IL1RAPL1: variants seen among roughly 807,000 people sequenced by gnomAD.
The protein encoded by IL1RAPL1 is interleukin 1 receptor accessory protein like 1.
IL1RAPL1 carries 3 observed loss-of-function variants against 48.4 expected under a neutral mutation model. That is an observed-to-expected ratio of 0.06 (90% CI 0.03 to 0.16). The LOEUF is 0.16. Ranked by LOEUF, IL1RAPL1 falls within the 10% of genes least tolerant of loss-of-function variation. The probability of loss-of-function intolerance (pLI) is 1.00; values close to 1 mark genes in which losing one functional copy is unlikely to be tolerated. For missense variants in IL1RAPL1, 349 were observed against 530.6 expected (o/e 0.66, Z 3.36); for synonymous variants, 185 against 187.7 (o/e 0.99, Z 0.12).
At chrX:28,690,596 T>C (rs965109710) in intron 1 of IL1RAPL1, among the ~76,000 whole-genome samples, 2 of 111,142 alleles carry the variant, frequency 1.8e-5, no homozygotes, top group East Asian at 2.8e-4. Flanking sequence ...TAGGACCGTA[T>C]ATATACATAT....
At chrX:29,093,917 G>A (rs1468322390) in intron 2 of IL1RAPL1, among the ~76,000 whole-genome samples, 2 of 111,767 alleles carry the variant, frequency 1.8e-5, no homozygotes, top group Non-Finnish European at 3.8e-5. Flanking sequence ...TAGCCCTGAG[G>A]GATCATTCCC....
chrX:29,350,258 C>T (rs1169948106), intron 3 of IL1RAPL1, among the ~76,000 whole-genome samples: 4 of 82,953 alleles, frequency 4.8e-5, no homozygotes. Flanking sequence ...ATACACCCCC[C>T]CCCCCACCTG....
rs1179672488 is a variant in IL1RAPL1 at position 29,155,916 on chromosome X, T to C, written c.83-127022T>C. On this transcript the variant is annotated intron_variant, in intron 2 of 10. Coordinates refer to ENST00000378993, the MANE Select transcript of IL1RAPL1 (RefSeq NM_014271.4). Reference sequence around the variant, plus strand: ...TCACACATAAATACTTTATAATATTTATCAATAATTAAAAATAAATTAATA... The same window carrying C: ...TCACACATAAATACTTTATAATATTCATCAATAATTAAAAATAAATTAATA... Among the ~76,000 whole-genome samples the C allele has an allele frequency of 1.3e-4, 14 of 111,195 alleles. No homozygotes were observed. The Middle Eastern group carries it at 0.028, about 226-fold the overall frequency.
intron 4 of IL1RAPL1, among the ~76,000 whole-genome samples, chrX:29,397,473 G>A (rs1206130458): frequency 8.9e-6 from 1 of 112,389 alleles, no homozygotes; most frequent in Non-Finnish European, 1.9e-5. Context: ...AACATCAAGG[G>A]AACTGTTGGA....
intron 2 of IL1RAPL1, among the ~76,000 whole-genome samples, chrX:29,212,294 G>C (rs1054076459): frequency 2.7e-5 from 3 of 110,589 alleles, no homozygotes; most frequent in African/African-American, 9.9e-5. Context: ...GAAAATTCAT[G>C]TAAAACTTAG....
chrX:28,731,194 T>G lies in IL1RAPL1; in HGVS notation c.-24-58126T>G, dbSNP rs181814688. 2.7e-5 allele frequency among the ~76,000 whole-genome samples: 3 copies of G among 112,126 alleles called. No homozygotes were observed. In the Admixed American group the frequency reaches 2.8e-4, roughly 11 times the overall value. On this transcript the variant is annotated intron_variant, in intron 1 of 10. Coordinates refer to ENST00000378993, the MANE Select transcript of IL1RAPL1 (RefSeq NM_014271.4). The stretch of plus-strand genomic sequence containing the variant: ...GAATATCTGTCACGTTCATTTGTCC[T>G]TTTTTCATTTTGATTTTTTTTCTTT...
chrX:29,374,978 C>T (rs1423519586), intron 3 of IL1RAPL1, among the ~76,000 whole-genome samples: 2 of 108,365 alleles, frequency 1.8e-5, no homozygotes, highest in African/African-American at 6.7e-5. Context: ...GCACAGAGGA[C>T]TTCTATGGCA....
At chrX:29,260,456 T>A (rs1389795981) in intron 2 of IL1RAPL1, among the ~76,000 whole-genome samples, 1 of 112,171 alleles carries the variant, frequency 8.9e-6, no homozygotes, top group African/African-American at 3.2e-5. Context: ...CAGCTTGTGC[T>A]GGGAAACGCC....
chrX:28,638,958 T>C (rs932711413), intron 1 of IL1RAPL1, among the ~76,000 whole-genome samples: 2 of 111,824 alleles, frequency 1.8e-5, no homozygotes, highest in African/African-American at 6.5e-5. Flanking sequence ...ATTATGGTTT[T>C]GATGATCACA....
At position 29,197,009 on chromosome X, in the gene IL1RAPL1, A is replaced by G. The variant is rs189341027; in HGVS notation, c.83-85929A>G. ...AAACCCAACTTCATCTTTTTCTTTT[A>G]GATACGATTTTAGGATTCTTAGAGG... On this transcript the variant is annotated intron_variant, in intron 2 of 10. Coordinates refer to ENST00000378993, the MANE Select transcript of IL1RAPL1 (RefSeq NM_014271.4). Among the ~76,000 whole-genome samples, 14 of 110,175 alleles carry G rather than the reference A, an allele frequency of 1.3e-4. No individual in the cohort carries two copies. In the Admixed American group the frequency reaches 1.3e-3, roughly 10 times the overall value.
At chrX:29,276,414 C>T (rs1932119332) in intron 2 of IL1RAPL1, among the ~76,000 whole-genome samples, 1 of 111,820 alleles carries the variant, frequency 8.9e-6, no homozygotes, top group African/African-American at 3.2e-5. Flanking sequence ...TCAAATTATT[C>T]TGAGTTAGAA....
chrX:29,825,674 GT>G (rs1244086819), intron 6 of IL1RAPL1, among the ~76,000 whole-genome samples: 1 of 111,940 alleles, frequency 8.9e-6, no homozygotes, highest in African/African-American at 3.2e-5. Context: ...GGACCATGTG[GT>G]TTTGATCACA....
At chrX:28,959,290 A>G (rs186692236) in intron 2 of IL1RAPL1, among the ~76,000 whole-genome samples, 2 of 111,869 alleles carry the variant, frequency 1.8e-5, no homozygotes, top group Non-Finnish European at 3.8e-5. Context: ...ATCCTTACAT[A>G]TTTTAACACT....
At chrX:28,599,504 T>A (rs780746280) in intron 1 of IL1RAPL1, among the ~76,000 whole-genome samples, 7 of 111,655 alleles carry the variant, frequency 6.3e-5, no homozygotes, top group Non-Finnish European at 1.1e-4. Flanking sequence ...ACACTGCCAC[T>A]GTCTCAGTTG....
At chrX:29,378,163 T>C (rs1312066007) in intron 3 of IL1RAPL1, among the ~76,000 whole-genome samples, 1 of 111,190 alleles carries the variant, frequency 9.0e-6, no homozygotes, top group African/African-American at 3.3e-5. Flanking sequence ...TCTATTCTGC[T>C]ATTAATACTT....
chrX:29,167,326 T>C, intron 2 of IL1RAPL1, among the ~76,000 whole-genome samples: 1 of 109,698 alleles, frequency 9.1e-6, no homozygotes, highest in Admixed American at 9.9e-5. Context: ...CCTTCTTCCT[T>C]TCCTTCCCTC....
At position 29,698,875 on chromosome X, in the gene IL1RAPL1, T is replaced by A. The variant is rs183617765; in HGVS notation, c.778+30371T>A. On this transcript the variant is annotated intron_variant, in intron 6 of 10. Coordinates refer to ENST00000378993, the MANE Select transcript of IL1RAPL1 (RefSeq NM_014271.4). ...CTAAACTTATTTCTTTTATTTTTAT[T>A]AGTTCTCCATACAGAGAGTAGCCCT... 6.2e-5 allele frequency among the ~76,000 whole-genome samples: 7 copies of A among 112,215 alleles called. No homozygotes were observed. The Admixed American group carries it at 6.6e-4, about 11-fold the overall frequency.
chrX:29,949,868 A>C (rs1933283089), intron 9 of IL1RAPL1, among the ~76,000 whole-genome samples: 1 of 112,081 alleles, frequency 8.9e-6, no homozygotes, highest in African/African-American at 3.2e-5. Context: ...AAGGGAAGAC[A>C]CCTTAGAATC....
intron 1 of IL1RAPL1, among the ~76,000 whole-genome samples, chrX:28,711,468 TAAAGATACAAATTTGA>T (rs1451173595): frequency 2.7e-5 from 3 of 110,385 alleles, no homozygotes; most frequent in Admixed American, 9.8e-5. Context: ...AAGTCTAGAC[TAAAGATACAAATTTGA>T]GAGCTATCAG....
Sources: allele counts gnomAD v4.1 joint callset (sites outside exome capture counted in the v4.1 genomes callset), GRCh38; gene constraint gnomAD v4.1.1; transcripts MANE v1.5; gene names NCBI Gene and HGNC (gene_info 2026-07-23, HGNC 2026-07-21).